Variants in APBB2 observed in about 807,000 individuals in gnomAD.
The protein encoded by APBB2 is amyloid beta precursor protein binding family B member 2, also known as Fe65-like 1.
A neutral mutation model predicts 82.5 loss-of-function variants in APBB2; 38 were observed. The ratio of observed to expected loss-of-function variants is 0.46; its 90% CI spans 0.36 to 0.60. The LOEUF (loss-of-function observed/expected upper bound fraction) is 0.60. APBB2 is among the 20% of genes least tolerant of loss of function. APBB2 has a pLI of 0.00. For missense variants in APBB2, 772 were observed against 972.3 expected, an observed-to-expected ratio of 0.79 and a Z score of 2.74; for synonymous variants, 341 against 368.2, an observed-to-expected ratio of 0.93 and a Z score of 0.85.
chr4:41,027,470 G>A (rs1391719451), intron 5 of APBB2, among the ~76,000 whole-genome samples: 2 of 149,762 alleles, frequency 1.3e-5, no homozygotes, highest in Non-Finnish European at 3.0e-5. Context: ...CCCTCCAACA[G>A]TGTATAAGGC....
intron 12 of APBB2, among the ~76,000 whole-genome samples, chr4:40,851,734 ATATATTTTTTT>A (rs549962762): frequency 0.22 from 13,522 of 60,814 alleles, 711 homozygotes; most frequent in Admixed American, 0.34. Context: ...ATATATATAT[ATATATTTTTTT>A]TTTTTTTTTT....
chr4:41,049,556 G>A (rs564127020), intron 4 of APBB2, among the ~76,000 whole-genome samples: 2 of 149,868 alleles, frequency 1.3e-5, no homozygotes, highest in South Asian at 2.1e-4. Flanking sequence ...GAGGGAGGTG[G>A]GGGGCGCCTC....
At chr4:41,030,951 G>A (rs1304253124) in intron 5 of APBB2, among the ~76,000 whole-genome samples, 3 of 152,114 alleles carry the variant, frequency 2.0e-5, no homozygotes, top group Non-Finnish European at 4.4e-5. Context: ...TTGGCAGGGC[G>A]TGGTGACTCA....
At chr4:41,181,102 A>T (rs1175335860) in intron 1 of APBB2, among the ~76,000 whole-genome samples, 2 of 152,238 alleles carry the variant, frequency 1.3e-5, no homozygotes, top group African/African-American at 2.4e-5. Context: ...TAGAAACTAA[A>T]CATTTAATAT....
At chr4:40,943,384 A>G (rs1787544127) in intron 7 of APBB2, among the ~76,000 whole-genome samples, 1 of 152,236 alleles carries the variant, frequency 6.6e-6, no homozygotes, top group South Asian at 2.1e-4. Context: ...GAATGGAGAA[A>G]GATTCTTGCC....
At chr4:40,939,300 A>G (rs1786220867) in intron 7 of APBB2, among the ~76,000 whole-genome samples, 1 of 152,186 alleles carries the variant, frequency 6.6e-6, no homozygotes, top group African/African-American at 2.4e-5. Flanking sequence ...CATATCAAAC[A>G]GGACTAAGAA....
intron 12 of APBB2, among the ~76,000 whole-genome samples, chr4:40,886,598 G>C (rs1377489932): frequency 1.3e-5 from 2 of 152,212 alleles, no homozygotes; most frequent in Non-Finnish European, 2.9e-5. Context: ...GCTGAGGCCG[G>C]AAGTTAGCAC....
intron 1 of APBB2, among the ~76,000 whole-genome samples, chr4:41,169,027 A>C (rs187859341): frequency 2.0e-5 from 3 of 152,114 alleles, no homozygotes; most frequent in Admixed American, 2.0e-4. Context: ...TCTACCAAAA[A>C]TACAAAAATT....
intron 1 of APBB2, among the ~76,000 whole-genome samples, chr4:41,181,145 G>A (rs1771218682): frequency 6.6e-6 from 1 of 152,150 alleles, no homozygotes; most frequent in Non-Finnish European, 1.5e-5. Context: ...CAGGTTTTCT[G>A]AAAGCTTAAG....
At chr4:41,155,635 T>A (rs1423890790) in intron 1 of APBB2, among the ~76,000 whole-genome samples, 1 of 152,184 alleles carries the variant, frequency 6.6e-6, no homozygotes, top group African/African-American at 2.4e-5. Flanking sequence ...GACGAGACAG[T>A]CAGGCAGACA....
intron 1 of APBB2, among the ~76,000 whole-genome samples, chr4:41,174,762 T>C (rs546776474): frequency 6.6e-6 from 1 of 152,142 alleles, no homozygotes; most frequent in African/African-American, 2.4e-5. Context: ...CATATGATAG[T>C]TTAAGGTTAG....
chr4:40,911,628 C>T (rs28437825), intron 10 of APBB2, among the ~76,000 whole-genome samples: 128 of 152,272 alleles, frequency 8.4e-4, no homozygotes, highest in Middle Eastern at 3.4e-3. Flanking sequence ...TTATCAGGAG[C>T]GCCATCATAA....
At chr4:40,983,790 T>C (rs1009628085) in intron 6 of APBB2, among the ~76,000 whole-genome samples, 1 of 152,204 alleles carries the variant, frequency 6.6e-6, no homozygotes, top group African/African-American at 2.4e-5. Flanking sequence ...TCGGCCAAGC[T>C]GGTCTCGAAA....
chr4:40,947,100 C>T (rs891343754), intron 6 of APBB2, among the ~76,000 whole-genome samples: 2 of 152,206 alleles, frequency 1.3e-5, no homozygotes, highest in Admixed American at 6.5e-5. Flanking sequence ...CATGTGTTTA[C>T]ATTTCTTTGT....
chr4:40,890,495 G>T lies in APBB2; in HGVS notation c.1402-4C>A, dbSNP rs751934348. 14 of 1,613,600 alleles carry T rather than the reference G, an allele frequency of 8.7e-6. No homozygotes were observed. Among genetic ancestry groups the T allele is most frequent in the Non-Finnish European group, 1.2e-5 (14 of 1,179,868 alleles). On this transcript the variant is annotated splice_polypyrimidine_tract_variant and splice_region_variant and intron_variant, in intron 11 of 17. Coordinates refer to ENST00000508593, the MANE Select transcript of APBB2 (RefSeq NM_004307.2). ...GGATCAGGTACATGTCTTTCCCCTG[G>T]GACACAACGAGAAAACACGCTGTCT...
intron 5 of APBB2, among the ~76,000 whole-genome samples, chr4:41,020,626 C>G (rs1244506091): frequency 6.6e-6 from 1 of 152,052 alleles, no homozygotes; most frequent in Non-Finnish European, 1.5e-5. Flanking sequence ...TAAGGTAATC[C>G]CAAATTTATT....
At chr4:41,102,263 A>T (rs372975285) in intron 2 of APBB2, among the ~76,000 whole-genome samples, 1 of 152,194 alleles carries the variant, frequency 6.6e-6, no homozygotes, top group Admixed American at 6.5e-5. Context: ...AGAACCCTGC[A>T]AACACCATAA....
intron 6 of APBB2, among the ~76,000 whole-genome samples, chr4:40,977,336 A>T: frequency 6.7e-6 from 1 of 148,556 alleles, no homozygotes; most frequent in Non-Finnish European, 1.5e-5. Context: ...TTTTTTTAAG[A>T]CGGAGTTTTG....
At chr4:41,088,322 A>C (rs917027841) in intron 3 of APBB2, among the ~76,000 whole-genome samples, 3 of 152,168 alleles carry the variant, frequency 2.0e-5, no homozygotes, top group Non-Finnish European at 4.4e-5. Flanking sequence ...AAGACTCTTG[A>C]CCACATCAAT....
Sources: gnomAD v4.1 joint callset for allele counts (sites outside exome capture counted in the v4.1 genomes callset) on GRCh38, gnomAD v4.1.1 for gene constraint, MANE v1.5 for transcripts, NCBI Gene and HGNC (gene_info 2026-07-23, HGNC 2026-07-21) for gene names.